The following TRIM5 variants were observed in gnomAD, a reference collection of about 807,000 sequenced individuals.
TRIM5 encodes tripartite motif containing 5.
TRIM5 carries 31 observed loss-of-function variants against 35.6 expected under a neutral mutation model. The observed-to-expected ratio is 0.87, with a 90% confidence interval of 0.65 to 1.18. The LOEUF (loss-of-function observed/expected upper bound fraction) is 1.18, where lower values mean the gene tolerates loss of function less well. Among genes scored for constraint, TRIM5 ranks in the 50% most tolerant of loss-of-function variants. The probability of loss-of-function intolerance (pLI) is 0.00; values close to 1 mark genes in which losing one functional copy is unlikely to be tolerated. For missense variants in TRIM5, 609 were observed against 591.6 expected, an observed-to-expected ratio of 1.03 and a Z score of -0.31; for synonymous variants, 243 against 215.6, an observed-to-expected ratio of 1.13 and a Z score of -1.11.
At chr11:5,655,481 G>A in the TRIM5 span, among the ~76,000 whole-genome samples, 2 of 152,158 alleles carry the variant, frequency 1.3e-5, no homozygotes, top group Non-Finnish European at 2.9e-5. Flanking sequence ...ATAGAAATAA[G>A]TAGGTAAAAA....
At chr11:5,595,720 C>CTTTT in the TRIM5 span, among the ~76,000 whole-genome samples, 38 of 141,266 alleles carry the variant, frequency 2.7e-4, no homozygotes, top group East Asian at 6.7e-3. Context: ...TTCAAAAATT[C>CTTTT]TTTTTTTTTT....
the TRIM5 span, among the ~76,000 whole-genome samples, chr11:5,617,433 A>G: frequency 2.8e-5 from 4 of 141,810 alleles, no homozygotes; most frequent in East Asian, 2.3e-4. Flanking sequence ...AGTTTTCTAT[A>G]TCGCTTCCTC....
At chr11:5,662,053 G>C (rs59324294), downstream of TRIM5, among the ~76,000 whole-genome samples, 13 of 152,308 alleles carry the variant, frequency 8.5e-5, no homozygotes, top group East Asian at 2.5e-3. Flanking sequence ...TTGGGTGACA[G>C]GAAAGCAGAG....
chr11:5,609,715 G>T, the TRIM5 span, among the ~76,000 whole-genome samples: 4,591 of 152,280 alleles, frequency 0.03, 111 homozygotes, highest in East Asian at 0.14. Flanking sequence ...GAGGTCAGGA[G>T]ATCAAAACCA....
At chr11:5,625,224 T>A in the TRIM5 span, among the ~76,000 whole-genome samples, 1 of 152,178 alleles carries the variant, frequency 6.6e-6, no homozygotes, top group Admixed American at 6.5e-5. Flanking sequence ...GATAGCAGCC[T>A]AGAGTCTGGG....
chr11:5,632,274 C>A, the TRIM5 span: 10 of 1,609,914 alleles, frequency 6.2e-6, no homozygotes, highest in Admixed American at 1.7e-4. Flanking sequence ...GGTCTTTAAC[C>A]AGAAGAGAGA....
At chr11:5,683,057 G>A (rs1271143176) in intron 1 of TRIM5, among the ~76,000 whole-genome samples, 1 of 152,224 alleles carries the variant, frequency 6.6e-6, no homozygotes, top group Non-Finnish European at 1.5e-5. Flanking sequence ...GGCCGGCCCC[G>A]CTGCCCCGGG....
chr11:5,643,066 T>C, the TRIM5 span: 7 of 1,283,812 alleles, frequency 5.5e-6, no homozygotes, highest in Non-Finnish European at 7.2e-6. Flanking sequence ...ACCTACTCCA[T>C]ATCTGTCACC....
the TRIM5 span, among the ~76,000 whole-genome samples, chr11:5,638,436 A>C: frequency 6.6e-6 from 1 of 152,252 alleles, no homozygotes; most frequent in Non-Finnish European, 1.5e-5. Flanking sequence ...TTGAACAACA[A>C]AACTATGCTA....
the TRIM5 span, among the ~76,000 whole-genome samples, chr11:5,597,925 A>ATATT: frequency 9.5e-6 from 1 of 105,334 alleles, no homozygotes; most frequent in Non-Finnish European, 2.2e-5. Context: ...GAGAACTTTA[A>ATATT]TATTAAAGTG....
chr11:5,625,966 T>TA, the TRIM5 span, among the ~76,000 whole-genome samples: 1 of 152,388 alleles, frequency 6.6e-6, no homozygotes, highest in East Asian at 1.9e-4. Flanking sequence ...GAATTTGATA[T>TA]AGAGTATGTC....
At chr11:5,647,710 AG>A in the TRIM5 span, among the ~76,000 whole-genome samples, 26 of 152,270 alleles carry the variant, frequency 1.7e-4, no homozygotes, top group East Asian at 3.1e-3. Flanking sequence ...TTTAGTAAAG[AG>A]GGGATTTCAC....
chr11:5,598,305 C>T, the TRIM5 span, among the ~76,000 whole-genome samples: 1 of 152,202 alleles, frequency 6.6e-6, no homozygotes, highest in Admixed American at 6.5e-5. Flanking sequence ...ATGCTCCCCT[C>T]CTTCACAATT....
At chr11:5,652,493 C>T in the TRIM5 span, among the ~76,000 whole-genome samples, 1 of 152,136 alleles carries the variant, frequency 6.6e-6, no homozygotes, top group Non-Finnish European at 1.5e-5. Flanking sequence ...AGCATTATTT[C>T]CGGGCTCTGT....
chr11:5,637,780 A>G, the TRIM5 span, among the ~76,000 whole-genome samples: 3 of 152,164 alleles, frequency 2.0e-5, no homozygotes, highest in Admixed American at 2.0e-4. Context: ...GATAACCACT[A>G]TTCTACTTTC....
chr11:5,624,599 G>A, the TRIM5 span, among the ~76,000 whole-genome samples: 1 of 152,158 alleles, frequency 6.6e-6, no homozygotes. Flanking sequence ...TTAAAACAGG[G>A]CTTTTCAAAC....
At chr11:5,603,097 G>T in the TRIM5 span, 1 of 1,354,484 alleles carries the variant, frequency 7.4e-7, no homozygotes, top group Non-Finnish European at 9.9e-7. Flanking sequence ...CCTTGTATGA[G>T]CCGGGATAAA....
At chr11:5,634,767 C>A in the TRIM5 span, 1 of 1,613,910 alleles carries the variant, frequency 6.2e-7, no homozygotes, top group South Asian at 1.1e-5. Flanking sequence ...TTTGCAGAGG[C>A]TGAGGATGAG....
At chr11:5,678,948 G>A in intron 3 of TRIM5, 126 bp downstream of exon 3, 1 of 768,490 alleles carries the variant, frequency 1.3e-6, no homozygotes, top group Non-Finnish European at 2.2e-6. Context: ...TCAGGGAAAG[G>A]ATGAAGAGGA....
Sources: allele counts gnomAD v4.1 joint callset (sites outside exome capture counted in the v4.1 genomes callset), GRCh38; gene constraint gnomAD v4.1.1; transcripts MANE v1.5; gene names NCBI Gene and HGNC (gene_info 2026-07-23, HGNC 2026-07-21).